The following RBFOX1 variants were observed in gnomAD, a reference collection of about 807,000 sequenced individuals.
The protein encoded by RBFOX1 is RNA binding protein fox-1 homolog 1.
A neutral mutation model predicts 57.7 loss-of-function variants in RBFOX1; 8 were observed. The ratio of observed to expected loss-of-function variants is 0.14; its 90% confidence interval spans 0.08 to 0.25. The LOEUF is 0.25. Among genes scored for constraint, RBFOX1 ranks in the 10% least tolerant of loss-of-function variants. The probability of loss-of-function intolerance (pLI) is 1.00; values close to 1 mark genes in which losing one functional copy is unlikely to be tolerated. For missense variants in RBFOX1, 611 were observed against 548.5 expected, an observed-to-expected ratio of 1.11 and a Z score of -1.14; for synonymous variants, 326 against 222.4, an observed-to-expected ratio of 1.47 and a Z score of -4.15.
intron 3 of RBFOX1, among the ~76,000 whole-genome samples, chr16:5,865,933 A>C (rs1444947770): frequency 6.6e-6 from 1 of 151,568 alleles, no homozygotes; most frequent in Non-Finnish European, 1.5e-5. Context: ...AGGGAGAGAG[A>C]GAAAGAAAGT....
chr16:5,708,847 T>C (rs1407028932), intron 3 of RBFOX1, among the ~76,000 whole-genome samples: 1 of 152,140 alleles, frequency 6.6e-6, no homozygotes, highest in Non-Finnish European at 1.5e-5. Flanking sequence ...TTCTAACTTT[T>C]GGAAGAAACA....
At chr16:5,539,342 C>T (rs946459258) in intron 2 of RBFOX1, among the ~76,000 whole-genome samples, 1 of 151,508 alleles carries the variant, frequency 6.6e-6, no homozygotes, top group Admixed American at 6.6e-5. Flanking sequence ...CCTGTAATCC[C>T]AGCACTTTGG....
intron 4 of RBFOX1, among the ~76,000 whole-genome samples, chr16:7,077,489 G>C (rs139583236): frequency 0.01 from 1,567 of 152,266 alleles, 31 homozygotes; most frequent in African/African-American, 0.036. Context: ...CCATTAGTAA[G>C]ATCATAAACA....
chr16:6,754,907 A>G (rs1185689422), intron 3 of RBFOX1, among the ~76,000 whole-genome samples: 2 of 147,312 alleles, frequency 1.4e-5, no homozygotes, highest in African/African-American at 5.1e-5. Flanking sequence ...TGCTGTGTCC[A>G]TGTGTTCTCA....
intron 1 of RBFOX1, among the ~76,000 whole-genome samples, chr16:6,066,199 C>A (rs2095758893): frequency 7.1e-6 from 1 of 140,788 alleles, no homozygotes. Flanking sequence ...GAGGCTGTGG[C>A]AGGAGAATTG....
chr16:5,582,547 C>CTTTTT (rs57853959), intron 2 of RBFOX1, among the ~76,000 whole-genome samples: 1 of 92,838 alleles, frequency 1.1e-5, no homozygotes. Flanking sequence ...AAGCACGTCA[C>CTTTTT]TTTTTTTTTT....
intron 4 of RBFOX1, among the ~76,000 whole-genome samples, chr16:7,468,875 C>T (rs990486749): frequency 6.6e-6 from 1 of 152,042 alleles, no homozygotes; most frequent in Admixed American, 6.5e-5. Flanking sequence ...ATCACAGGGT[C>T]CCGTCCAAAT....
chr16:6,814,224 G>A (rs1012558644), intron 3 of RBFOX1, among the ~76,000 whole-genome samples: 5 of 141,480 alleles, frequency 3.5e-5, no homozygotes, highest in Non-Finnish European at 7.6e-5. Context: ...CTTCTTTCAT[G>A]TAATAACACA....
chr16:6,954,870 C>G (rs894521771), intron 3 of RBFOX1, among the ~76,000 whole-genome samples: 10 of 152,038 alleles, frequency 6.6e-5, no homozygotes, highest in African/African-American at 1.2e-4. Context: ...TTTTTTCTAT[C>G]AATTCATGTG....
intron 13 of RBFOX1, among the ~76,000 whole-genome samples, chr16:7,665,747 C>G (rs962287919): frequency 2.6e-5 from 4 of 152,046 alleles, no homozygotes; most frequent in Non-Finnish European, 5.9e-5. Flanking sequence ...GAGATATTCC[C>G]TAAATCACAA....
At chr16:7,398,974 T>G (rs2098189943) in intron 4 of RBFOX1, among the ~76,000 whole-genome samples, 1 of 152,180 alleles carries the variant, frequency 6.6e-6, no homozygotes, top group Non-Finnish European at 1.5e-5. Flanking sequence ...GCAAAAAGTT[T>G]GATGTCAAGG....
chr16:6,124,504 T>A (rs2096574727), intron 1 of RBFOX1, among the ~76,000 whole-genome samples: 1 of 152,076 alleles, frequency 6.6e-6, no homozygotes, highest in African/African-American at 2.4e-5. Flanking sequence ...GTTGCCTAAC[T>A]CAATTTTTTC....
intron 14 of RBFOX1, among the ~76,000 whole-genome samples, chr16:7,677,077 T>C (rs1212810189): frequency 6.6e-6 from 1 of 151,232 alleles, no homozygotes; most frequent in African/African-American, 2.4e-5. Flanking sequence ...TTGGTCCTTG[T>C]GTAGTTTTTC....
At chr16:5,853,578 G>A (rs1349503414) in intron 3 of RBFOX1, among the ~76,000 whole-genome samples, 1 of 152,124 alleles carries the variant, frequency 6.6e-6, no homozygotes, top group African/African-American at 2.4e-5. Flanking sequence ...TTTTGTCTGT[G>A]GCAACAAGCA....
intron 4 of RBFOX1, among the ~76,000 whole-genome samples, chr16:5,887,438 G>A (rs1470901651): frequency 6.6e-6 from 1 of 152,222 alleles, no homozygotes; most frequent in Non-Finnish European, 1.5e-5. Context: ...GTCTCACTCT[G>A]TTGCCCAGGC....
At chr16:6,072,070 G>A (rs2095844369) in intron 1 of RBFOX1, among the ~76,000 whole-genome samples, 1 of 152,206 alleles carries the variant, frequency 6.6e-6, no homozygotes, top group Admixed American at 6.5e-5. Flanking sequence ...GCTCCACAGG[G>A]CTGGGGAGAC....
At chr16:7,690,268 G>A (rs1292107004) in intron 14 of RBFOX1, among the ~76,000 whole-genome samples, 1 of 152,074 alleles carries the variant, frequency 6.6e-6, no homozygotes, top group Non-Finnish European at 1.5e-5. Context: ...CCAAGGTGAG[G>A]ACCATTCACC....
intron 2 of RBFOX1, among the ~76,000 whole-genome samples, chr16:6,343,826 G>C (rs1599848679): frequency 6.6e-6 from 1 of 152,106 alleles, no homozygotes; most frequent in African/African-American, 2.4e-5. Context: ...ATTCCCTTTG[G>C]ATTAAGGATT....
intron 4 of RBFOX1, among the ~76,000 whole-genome samples, chr16:6,000,478 G>C (rs1297783413): frequency 6.6e-6 from 1 of 152,108 alleles, no homozygotes; most frequent in Non-Finnish European, 1.5e-5. Flanking sequence ...GTATAAAATT[G>C]GATCCCGTGC....
Sources: gnomAD v4.1 joint callset for allele counts (sites outside exome capture counted in the v4.1 genomes callset) on GRCh38, gnomAD v4.1.1 for gene constraint, MANE v1.5 for transcripts, NCBI Gene and HGNC (gene_info 2026-07-23, HGNC 2026-07-21) for gene names.